The following ZNF385D variants were observed in gnomAD, a reference collection of about 807,000 sequenced individuals.
The protein encoded by ZNF385D is zinc finger protein 385D.
Under a neutral mutation model 35.8 loss-of-function variants are expected in ZNF385D, and 15 were observed. The observed-to-expected ratio is 0.42, with a 90% confidence interval of 0.28 to 0.64. The LOEUF is 0.64. Among genes scored for constraint, ZNF385D ranks in the 30% least tolerant of loss-of-function variants. The probability of loss-of-function intolerance (pLI) is 0.23; values close to 1 mark genes in which losing one functional copy is unlikely to be tolerated. For synonymous variants in ZNF385D, 212 were observed against 186.8 expected, an observed-to-expected ratio of 1.13 and a Z score of -1.10; for missense variants, 474 against 494.6, an observed-to-expected ratio of 0.96 and a Z score of 0.39.
chr3:22,183,866 T>C (rs1246885896), intron 2 of ZNF385D, among the ~76,000 whole-genome samples: 1 of 150,968 alleles, frequency 6.6e-6, no homozygotes, highest in Non-Finnish European at 1.5e-5. Context: ...TTTCAACAAA[T>C]TTTTTTTTGC....
intron 3 of ZNF385D, among the ~76,000 whole-genome samples, chr3:21,871,305 C>G (rs1047571369): frequency 5.9e-5 from 9 of 152,136 alleles, no homozygotes; most frequent in African/African-American, 2.2e-4. Context: ...TAACCTTGCA[C>G]TCTCATCACA....
intron 2 of ZNF385D, among the ~76,000 whole-genome samples, chr3:21,630,893 G>A (rs1250050863): frequency 6.6e-6 from 1 of 152,064 alleles, no homozygotes; most frequent in African/African-American, 2.4e-5. Context: ...GAGGTAGGGG[G>A]AATTAGTGAG....
intron 2 of ZNF385D, among the ~76,000 whole-genome samples, chr3:21,631,672 G>T (rs2065284978): frequency 6.6e-6 from 1 of 151,982 alleles, no homozygotes; most frequent in South Asian, 2.1e-4. Context: ...CTTTAAAGAT[G>T]GACATCAAAA....
At chr3:21,715,502 A>G (rs1575518469) in intron 1 of ZNF385D, among the ~76,000 whole-genome samples, 2 of 152,152 alleles carry the variant, frequency 1.3e-5, no homozygotes, top group East Asian at 1.9e-4. Flanking sequence ...TCATCCATTG[A>G]TGGATACTTA....
At chr3:21,896,048 C>A (rs1483296054) in intron 3 of ZNF385D, among the ~76,000 whole-genome samples, 1 of 152,054 alleles carries the variant, frequency 6.6e-6, no homozygotes, top group African/African-American at 2.4e-5. Flanking sequence ...AAATTTTTGA[C>A]TTGTGTAAGG....
chr3:22,025,764 C>G (rs565411492), intron 3 of ZNF385D, among the ~76,000 whole-genome samples: 1 of 152,210 alleles, frequency 6.6e-6, no homozygotes, highest in Admixed American at 6.5e-5. Flanking sequence ...TCGCTTTAGA[C>G]CTATTCATCC....
chr3:21,809,410 G>T (rs1011105655), intron 3 of ZNF385D, among the ~76,000 whole-genome samples: 1 of 151,878 alleles, frequency 6.6e-6, no homozygotes, highest in Middle Eastern at 3.2e-3. Context: ...GTCTAATGCG[G>T]TTTTCAACAT....
At chr3:22,025,285 G>A (rs1208316945) in intron 3 of ZNF385D, among the ~76,000 whole-genome samples, 1 of 152,126 alleles carries the variant, frequency 6.6e-6, no homozygotes, top group East Asian at 1.9e-4. Flanking sequence ...TGAGGCAGTT[G>A]CCAGGAAAGA....
At chr3:21,797,656 G>A (rs569838686) in intron 3 of ZNF385D, among the ~76,000 whole-genome samples, 1 of 152,288 alleles carries the variant, frequency 6.6e-6, no homozygotes, top group African/African-American at 2.4e-5. Context: ...TGGAATATCA[G>A]TCAAAGCCAA....
In ZNF385D at chr3:22,239,638, CTTATG is replaced by C. The variant is rs969546471; in HGVS notation, c.107-70608_107-70604del. Among the ~76,000 whole-genome samples the C allele has an allele frequency of 1.3e-4, 19 of 151,064 alleles. 1 individual carries two copies. The highest frequency in any genetic ancestry group is 9.8e-4 in the East Asian group (5 of 5,116). On this transcript the variant is annotated intron_variant, in intron 2 of 5. Coordinates refer to the ZNF385D transcript ENST00000494108. ...TTTCATCTTCAGGAAAATATCTAAT[CTTATG>C]TTATATTTATTTTTCAAATTACATT...
chr3:21,791,989 T>C (rs1379332350), intron 3 of ZNF385D, among the ~76,000 whole-genome samples: 2 of 152,176 alleles, frequency 1.3e-5, no homozygotes, highest in African/African-American at 4.8e-5. Context: ...TACCTCAGCC[T>C]CCCAAAGTGC....
At chr3:22,135,010 A>G (rs1704022591) in intron 3 of ZNF385D, among the ~76,000 whole-genome samples, 1 of 152,210 alleles carries the variant, frequency 6.6e-6, no homozygotes, top group Non-Finnish European at 1.5e-5. Flanking sequence ...ACAATCATAC[A>G]AAGTATATCC....
intron 3 of ZNF385D, among the ~76,000 whole-genome samples, chr3:21,825,617 G>A (rs1316376939): frequency 6.6e-6 from 1 of 152,154 alleles, no homozygotes; most frequent in Non-Finnish European, 1.5e-5. Context: ...GTCACAAAGT[G>A]ACTTCAATAA....
At chr3:21,620,389 C>G (rs2064969791) in intron 2 of ZNF385D, among the ~76,000 whole-genome samples, 1 of 152,132 alleles carries the variant, frequency 6.6e-6, no homozygotes, top group Non-Finnish European at 1.5e-5. Flanking sequence ...TAAATCCCCT[C>G]TTAGTGGTTC....
chr3:21,769,206 T>C (rs1352304534), intron 3 of ZNF385D, among the ~76,000 whole-genome samples: 4 of 151,898 alleles, frequency 2.6e-5, no homozygotes, highest in Non-Finnish European at 5.9e-5. Context: ...CCACTCCTAT[T>C]CAACATGGTG....
intron 3 of ZNF385D, among the ~76,000 whole-genome samples, chr3:21,987,112 CTCTT>C (rs1275982635): frequency 8.1e-6 from 1 of 123,152 alleles, no homozygotes; most frequent in East Asian, 2.1e-4. Flanking sequence ...TGGGTCTTGA[CTCTT>C]TATCCAACTT....
chr3:21,568,787 A>G (rs1034676933), intron 2 of ZNF385D, among the ~76,000 whole-genome samples: 12 of 152,184 alleles, frequency 7.9e-5, no homozygotes, highest in African/African-American at 2.9e-4. Flanking sequence ...CTGATCTGAG[A>G]AAATTATTTT....
rs573438047 is a variant in ZNF385D, at chr3:22,178,343, A to G, written c.107-9308T>C. On this transcript the variant is annotated intron_variant, in intron 2 of 5. Coordinates refer to the ZNF385D transcript ENST00000494108. ...CATTTCTCTGATGGCCAGTGATGAT[A>G]AGCATTTTTTCATGTGTCTTTTGGC... Among the ~76,000 whole-genome samples the G allele has an allele frequency of 7.9e-5, 12 of 152,270 alleles. No homozygotes were observed. The South Asian group carries it at 8.3e-4, about 11-fold the overall frequency.
At position 21,424,022 on chromosome 3, in the gene ZNF385D, G is replaced by A; in HGVS notation, c.895C>T (p.Pro299Ser). The A allele has an allele frequency of 3.1e-6, 5 of 1,603,234 alleles. No individual in the cohort carries two copies. Among genetic ancestry groups the A allele is most frequent in the Non-Finnish European group, 4.2e-6 (5 of 1,176,530 alleles). Residue 299 changes from proline to serine, a missense_variant, in exon 7 of 8, where the codon CCC (proline) becomes TCC (serine). Coordinates refer to ENST00000281523, the MANE Select transcript of ZNF385D (RefSeq NM_024697.3). ...TAAGGACTGTATTTAGGTTTCGGGG[G>A]CTTCCCAGCAGCTCTGTCTTTGTGC... The part of the protein sequence containing the change: ...RRHKDRAAGK[P>S]PKPKYSPYNK...
Sources: gnomAD v4.1 joint callset for allele counts (sites outside exome capture counted in the v4.1 genomes callset) on GRCh38, gnomAD v4.1.1 for gene constraint, MANE v1.5 for transcripts, NCBI Gene and HGNC (gene_info 2026-07-23, HGNC 2026-07-21) for gene names.